Variants in MAML2 observed in about 807,000 individuals in gnomAD.
The protein encoded by MAML2 is mastermind-like protein 2.
MAML2 carries 22 observed loss-of-function variants against 96.1 expected under a neutral mutation model. The observed-to-expected ratio is 0.23, with a 90% CI of 0.16 to 0.33. The LOEUF (loss-of-function observed/expected upper bound fraction) is 0.33. Ranked by LOEUF, MAML2 falls within the 10% of genes least tolerant of loss-of-function variation. The pLI is 1.00. For synonymous variants in MAML2, 561 were observed against 521.3 expected (o/e 1.08, Z -1.04); for missense variants, 1,367 against 1,392.4 (o/e 0.98, Z 0.29).
chr11:96,228,913 C>G (rs1009875853), intron 1 of MAML2, among the ~76,000 whole-genome samples: 3 of 151,938 alleles, frequency 2.0e-5, no homozygotes, highest in Admixed American at 2.0e-4. Context: ...GTAAAGTTAT[C>G]TTTGACATAT....
chr11:96,042,741 G>GTTT (rs1413319782), intron 2 of MAML2, among the ~76,000 whole-genome samples: 4 of 114,800 alleles, frequency 3.5e-5, no homozygotes, highest in Middle Eastern at 5.1e-3. Flanking sequence ...AATCGTTAAC[G>GTTT]TTCTTTTTTT....
intron 1 of MAML2, among the ~76,000 whole-genome samples, chr11:96,257,349 T>C (rs1271558833): frequency 6.6e-6 from 1 of 152,248 alleles, no homozygotes. Context: ...GGACTGTAAG[T>C]TCTTGAAAGT....
At chr11:95,996,958 T>C (rs1858000952) in intron 2 of MAML2, among the ~76,000 whole-genome samples, 1 of 152,108 alleles carries the variant, frequency 6.6e-6, no homozygotes, top group Admixed American at 6.6e-5. Context: ...GATGAGAGTA[T>C]GTGTGTATGT....
In MAML2 at chr11:96,286,791, T is replaced by A. The variant is rs549044180; in HGVS notation, c.513+54592A>T. The stretch of plus-strand genomic sequence containing the variant: ...GAGGATGAAAGATAATTTTTTTCCA[T>A]ATAAGCTTCCTCATCTAACCTGTTT... On this transcript the variant is annotated intron_variant, in intron 1 of 4. Coordinates refer to ENST00000524717, the MANE Select transcript of MAML2 (RefSeq NM_032427.4). 1.5e-3 allele frequency among the ~76,000 whole-genome samples: 229 copies of A among 152,326 alleles called. 2 individuals are homozygous for A. Among genetic ancestry groups the A allele is most frequent in the South Asian group, 3.9e-3 (19 of 4,832 alleles).
intron 1 of MAML2, among the ~76,000 whole-genome samples, chr11:96,198,425 T>C (rs1446398811): frequency 6.6e-6 from 1 of 152,246 alleles, no homozygotes; most frequent in Non-Finnish European, 1.5e-5. Flanking sequence ...GAGAAAGGCA[T>C]ACAGAAATTC....
At chr11:96,024,932 T>A (rs1192794436) in intron 2 of MAML2, among the ~76,000 whole-genome samples, 1 of 152,206 alleles carries the variant, frequency 6.6e-6, no homozygotes, top group African/African-American at 2.4e-5. Flanking sequence ...CTCTGTTATA[T>A]GCTTATGGAC....
At chr11:96,245,771 C>G (rs945100625) in intron 1 of MAML2, among the ~76,000 whole-genome samples, 3 of 149,066 alleles carry the variant, frequency 2.0e-5, no homozygotes. Flanking sequence ...GCGGTGCGAT[C>G]TCGGCTCACT....
chr11:96,260,688 A>G (rs150516679), intron 1 of MAML2, among the ~76,000 whole-genome samples: 5 of 152,256 alleles, frequency 3.3e-5, no homozygotes, highest in African/African-American at 7.2e-5. Context: ...ACTAATACCC[A>G]TAATGACCTT....
At chr11:96,224,832 C>A (rs1170523466) in intron 1 of MAML2, among the ~76,000 whole-genome samples, 4 of 152,082 alleles carry the variant, frequency 2.6e-5, no homozygotes, top group Non-Finnish European at 5.9e-5. Context: ...AAAATTAGGT[C>A]ATTATTTGGA....
chr11:96,321,478 G>A (rs969774882), intron 1 of MAML2, among the ~76,000 whole-genome samples: 1 of 152,168 alleles, frequency 6.6e-6, no homozygotes, highest in Non-Finnish European at 1.5e-5. Context: ...ACATATTTGC[G>A]ATATTCCTTC....
At chr11:96,095,843 G>C (rs1002477285) in intron 1 of MAML2, among the ~76,000 whole-genome samples, 1 of 152,160 alleles carries the variant, frequency 6.6e-6, no homozygotes, top group Admixed American at 6.5e-5. Context: ...CAAGGGGCTA[G>C]GCATGCTTTG....
At chr11:95,984,111 G>T (rs924016229) in intron 4 of MAML2, among the ~76,000 whole-genome samples, 1 of 152,010 alleles carries the variant, frequency 6.6e-6, no homozygotes, top group Non-Finnish European at 1.5e-5. Context: ...CCTTTTCTAT[G>T]TTTAGATACA....
At chr11:96,153,506 A>AT (rs1352722001) in intron 1 of MAML2, among the ~76,000 whole-genome samples, 1 of 152,202 alleles carries the variant, frequency 6.6e-6, no homozygotes, top group East Asian at 1.9e-4. Flanking sequence ...AAAGGATTAC[A>AT]TTAAAATATT....
At chr11:96,263,960 G>A (rs1160406057) in intron 1 of MAML2, among the ~76,000 whole-genome samples, 1 of 152,200 alleles carries the variant, frequency 6.6e-6, no homozygotes, top group Non-Finnish European at 1.5e-5. Context: ...GGGATTTGGT[G>A]AGGGAAAATT....
At chr11:96,326,446 C>CA (rs947356905) in intron 1 of MAML2, among the ~76,000 whole-genome samples, 7 of 151,370 alleles carry the variant, frequency 4.6e-5, no homozygotes, top group African/African-American at 1.7e-4. Context: ...CCTTGGAGTC[C>CA]AATTGCATGC....
intron 1 of MAML2, among the ~76,000 whole-genome samples, chr11:96,218,651 G>C (rs11608111): frequency 0.014 from 2,191 of 151,938 alleles, 62 homozygotes; most frequent in African/African-American, 0.051. Context: ...TTGTTTTTTA[G>C]TTTATTTGAG....
At chr11:96,014,821 G>A (rs1858317691) in intron 2 of MAML2, among the ~76,000 whole-genome samples, 1 of 150,896 alleles carries the variant, frequency 6.6e-6, no homozygotes. Context: ...TAGATGGCAT[G>A]GAACATTGAA....
At chr11:96,205,664 CT>C (rs1393703960) in intron 1 of MAML2, among the ~76,000 whole-genome samples, 1 of 152,222 alleles carries the variant, frequency 6.6e-6, no homozygotes, top group East Asian at 1.9e-4. Context: ...AAAATAATTG[CT>C]CTTGCAGTAG....
At chr11:96,271,923 T>C (rs1862921210) in intron 1 of MAML2, among the ~76,000 whole-genome samples, 1 of 152,200 alleles carries the variant, frequency 6.6e-6, no homozygotes, top group African/African-American at 2.4e-5. Context: ...GCTCTGACCA[T>C]ATGGGCCACC....
Sources: allele counts gnomAD v4.1 joint callset (sites outside exome capture counted in the v4.1 genomes callset), GRCh38; gene constraint gnomAD v4.1.1; transcripts MANE v1.5; gene names NCBI Gene and HGNC (gene_info 2026-07-23, HGNC 2026-07-21).